Variants in JMY observed in about 807,000 individuals in gnomAD.
The protein encoded by JMY is junction-mediating and -regulatory protein.
JMY carries 46 observed loss-of-function variants against 103.3 expected under a neutral mutation model. The observed-to-expected ratio is 0.45, with a 90% confidence interval of 0.35 to 0.57. The LOEUF is 0.57. Ranked by LOEUF, JMY falls within the 20% of genes least tolerant of loss-of-function variation. The pLI is 0.00. For missense variants in JMY, 1,238 were observed against 1,255.2 expected (o/e 0.99, Z 0.21); for synonymous variants, 526 against 489.3 (o/e 1.07, Z -0.99).
At chr5:79,291,354 A>T in intron 4 of JMY, 55 bp downstream of exon 4, 1 of 1,451,326 alleles carries the variant, frequency 6.9e-7, no homozygotes, top group Non-Finnish European at 9.2e-7. Flanking sequence ...TTGTCATTTT[A>T]ATCTTTGCAC....
At chr5:79,320,234 A>G (rs2112127433) in intron 10 of JMY, among the ~76,000 whole-genome samples, 1 of 152,246 alleles carries the variant, frequency 6.6e-6, no homozygotes. Flanking sequence ...TACAAAAAGT[A>G]GCTGGGCGTG....
At chr5:79,255,335 G>C (rs1380538682) in intron 1 of JMY, among the ~76,000 whole-genome samples, 2 of 152,094 alleles carry the variant, frequency 1.3e-5, no homozygotes, top group Admixed American at 1.3e-4. Flanking sequence ...GACCTCAATT[G>C]ATCTGCTTGC....
At chr5:79,243,158 G>A (rs1744791589) in intron 1 of JMY, among the ~76,000 whole-genome samples, 3 of 151,890 alleles carry the variant, frequency 2.0e-5, no homozygotes, top group Admixed American at 2.0e-4. Context: ...GACTTCTGAG[G>A]TTATTTAACT....
At chr5:79,299,332 T>G (rs1018186307) in intron 4 of JMY, among the ~76,000 whole-genome samples, 7 of 152,206 alleles carry the variant, frequency 4.6e-5, no homozygotes, top group African/African-American at 1.7e-4. Context: ...AGCCATTCCT[T>G]TGGCTTCTTT....
In JMY at chr5:79,314,852, G is replaced by C. The variant is rs1260864504; in HGVS notation, c.2659+1G>C. 6.5e-7 allele frequency: 1 copy of C among 1,546,454 alleles called. No individual in the cohort carries two copies. The highest frequency in any genetic ancestry group is 2.3e-5 in the East Asian group (1 of 44,246). On this transcript the variant is annotated splice_donor_variant, in intron 9 of 10. Coordinates refer to ENST00000396137, the MANE Select transcript of JMY (RefSeq NM_152405.5). LOFTEE classifies it high-confidence loss of function. ...GCTGAAGGTTTGCAGAGGAGGAGAG[G>C]TACGTCAACATATTTTCATGGTCCA... is the stretch of plus-strand genomic sequence containing the variant.
At position 79,277,869 on chromosome 5, in the gene JMY, A is replaced by G. The variant is rs1271066666; in HGVS notation, c.1033-41A>G. ...TCAAAGCAAGTATTTATAGGTTATT[A>G]GAATTGATTTTCTTAGTTGTGAAAC... On this transcript the variant is annotated intron_variant, in intron 1 of 10. Transcript: ENST00000396137. 1.9e-6 allele frequency: 3 copies of G among 1,571,670 alleles called. No homozygotes were observed. The African/African-American group carries it at 4.1e-5, about 21-fold the overall frequency.
intron 1 of JMY, among the ~76,000 whole-genome samples, chr5:79,256,824 C>T (rs113914799): frequency 0.015 from 2,168 of 148,950 alleles, 24 homozygotes; most frequent in Admixed American, 0.026. Context: ...GGGTTGCGAT[C>T]ATAGTTCACT....
intron 1 of JMY, among the ~76,000 whole-genome samples, chr5:79,257,045 TTTA>T (rs1160321800): frequency 2.0e-5 from 3 of 151,632 alleles, no homozygotes; most frequent in South Asian, 4.2e-4. Flanking sequence ...CATTCCTTAT[TTTA>T]TTATTATTAT....
intron 4 of JMY, among the ~76,000 whole-genome samples, chr5:79,291,576 A>G (rs1474049130): frequency 6.6e-6 from 1 of 152,244 alleles, no homozygotes; most frequent in Non-Finnish European, 1.5e-5. Context: ...TTAATACTGT[A>G]AAAACGTAAA....
chr5:79,274,031 A>G (rs10474579), intron 1 of JMY, among the ~76,000 whole-genome samples: 75 of 151,868 alleles, frequency 4.9e-4, no homozygotes, highest in African/African-American at 1.7e-3. Flanking sequence ...GGGTTTCACC[A>G]TGTTAACCAG....
intron 6 of JMY, among the ~76,000 whole-genome samples, chr5:79,304,446 C>T (rs1316797563): frequency 1.3e-5 from 2 of 152,176 alleles, no homozygotes; most frequent in East Asian, 3.9e-4. Flanking sequence ...TGCCTCACCC[C>T]TTGAAAGAGT....
chr5:79,276,165 C>T (rs575752903), intron 1 of JMY, among the ~76,000 whole-genome samples: 1 of 152,308 alleles, frequency 6.6e-6, no homozygotes, highest in East Asian at 1.9e-4. Context: ...GTCACCCAGG[C>T]TGGAGTGCAA....
intron 1 of JMY, among the ~76,000 whole-genome samples, chr5:79,264,820 C>A (rs952865853): frequency 1.3e-5 from 2 of 152,074 alleles, no homozygotes; most frequent in Non-Finnish European, 1.5e-5. Flanking sequence ...TGAGTTTTGG[C>A]TCAATTTTAG....
intron 9 of JMY, 76 bp downstream of exon 9, chr5:79,314,927 C>T: frequency 1.5e-6 from 2 of 1,343,636 alleles, no homozygotes; most frequent in Non-Finnish European, 2.0e-6. Flanking sequence ...TTTGACGTTG[C>T]AAAGCTTAAA....
chr5:79,283,822 G>GA (rs1408874729), intron 2 of JMY, among the ~76,000 whole-genome samples: 6 of 152,198 alleles, frequency 3.9e-5, no homozygotes, highest in Non-Finnish European at 7.3e-5. Flanking sequence ...AACAGGACTT[G>GA]AAACAGCTTA....
chr5:79,312,395 T>C lies in JMY; in HGVS notation c.1969-8T>C. ...AGCATAATGGAATTATTATTAATTT[T>C]TTACCAGAAGAGAGAAAAATTACAT... On this transcript the variant is annotated splice_polypyrimidine_tract_variant and splice_region_variant and intron_variant, in intron 7 of 10. Transcript: ENST00000396137. 2.7e-6 allele frequency: 4 copies of C among 1,504,570 alleles called. No homozygotes were observed. The highest frequency in any genetic ancestry group is 3.6e-6 in the Non-Finnish European group (4 of 1,111,464). 93.2% of individuals were successfully genotyped at this position (1,504,570 alleles called of 1,614,324 possible).
At chr5:79,281,810 C>T (rs971072703) in intron 2 of JMY, among the ~76,000 whole-genome samples, 1 of 152,112 alleles carries the variant, frequency 6.6e-6, no homozygotes, top group Non-Finnish European at 1.5e-5. Flanking sequence ...TAAATGGATT[C>T]ACTTGGTTGT....
In JMY at chr5:79,284,939, A is replaced by G. The variant is rs1399901655; in HGVS notation, c.1207-5182A>G. 5 of 1,480,994 alleles carry G rather than the reference A, an allele frequency of 3.4e-6. No homozygotes were observed. The East Asian group carries it at 1.1e-4, about 34-fold the overall frequency. 91.7% of individuals were successfully genotyped at this position (1,480,994 alleles called of 1,614,324 possible). A position where few individuals can be genotyped will look rare whatever the true frequency, so the allele number is the denominator to read the frequency against. ...GCCATGGTGCTGGTCAGAGAGCCAA[A>G]AGGAAGTTACTTTCAAATGAAAGTA... On this transcript the variant is annotated intron_variant, in intron 2 of 10. Transcript: ENST00000396137.
In JMY at chr5:79,325,513, A is replaced by C. The variant is rs960453931; in HGVS notation, c.*3911A>C. 3 of 152,184 alleles carry C rather than the reference A, an allele frequency of 2.0e-5. No homozygotes were observed. The highest frequency in any genetic ancestry group is 7.2e-5 in the African/African-American group (3 of 41,446). The allele number at this position is 152,184 out of a possible 1,614,324, so 9.4% of individuals were successfully genotyped here. A position where few individuals can be genotyped will look rare whatever the true frequency, so the allele number is the denominator to read the frequency against. On this transcript the variant is annotated 3_prime_UTR_variant, in exon 11 of 11. Coordinates refer to ENST00000396137, the MANE Select transcript of JMY (RefSeq NM_152405.5). ...AAAATTAAGTGTGCATTTTAAACAG[A>C]TTCTATTTCCCACTTACTGCTTAGC... is the stretch of plus-strand genomic sequence containing the variant.
Sources: allele counts gnomAD v4.1 joint callset (sites outside exome capture counted in the v4.1 genomes callset), GRCh38; gene constraint gnomAD v4.1.1; transcripts MANE v1.5; gene names NCBI Gene and HGNC (gene_info 2026-07-23, HGNC 2026-07-21).